Variants in CTTNBP2 observed in about 807,000 individuals in gnomAD.
The protein encoded by CTTNBP2 is cortactin binding protein 2.
Under a neutral mutation model 156.9 loss-of-function variants are expected in CTTNBP2, and 108 were observed. The observed-to-expected ratio is 0.69, with a 90% confidence interval of 0.59 to 0.81. The LOEUF (loss-of-function observed/expected upper bound fraction) is 0.81. Among genes scored for constraint, CTTNBP2 ranks in the 30% least tolerant of loss-of-function variants. The pLI is 0.00. For missense variants in CTTNBP2, 1,924 were observed against 2,035.4 expected (o/e 0.95, Z 1.05); for synonymous variants, 767 against 751.8 (o/e 1.02, Z -0.33).
At position 117,792,019 on chromosome 7, in the gene CTTNBP2, C is replaced by T; in HGVS notation, c.1177G>A (p.Asp393Asn). 1 of 1,614,038 alleles carries T rather than the reference C, an allele frequency of 6.2e-7. No individual in the cohort carries two copies. The highest frequency in any genetic ancestry group is 8.5e-7 in the Non-Finnish European group (1 of 1,180,012). Residue 393 changes from aspartate (D) to asparagine (N), a missense_variant, in exon 4 of 23, where the codon GAT becomes AAT. Physicochemically the swap from Asp to Asn is conservative, Grantham distance 23. Coordinates refer to ENST00000160373, the MANE Select transcript of CTTNBP2 (RefSeq NM_033427.3). The surrounding 1 kb of genome is among the most constrained non-coding windows in gnomAD (Gnocchi z 4.2). ...AGTGGGGGTGTGCTACTGGTTGGATCTGGTGTTGAGCCAGTGCTTGGTCCA... is the reference window on the plus strand; with the variant it reads ...AGTGGGGGTGTGCTACTGGTTGGATTTGGTGTTGAGCCAGTGCTTGGTCCA... ...ENGPSTGSTP[D>N]PTSSTPPLPS...
At chr7:117,745,134 A>G (rs1234294534) in intron 14 of CTTNBP2, among the ~76,000 whole-genome samples, 1 of 152,224 alleles carries the variant, frequency 6.6e-6, no homozygotes, top group Non-Finnish European at 1.5e-5. Flanking sequence ...AACGTGGGGT[A>G]TTAGACCCTG....
In CTTNBP2 at chr7:117,719,530, T is replaced by C. The variant is rs148511220; in HGVS notation, c.4618A>G (p.Ser1540Gly). The C allele has an allele frequency of 6.2e-7, 1 of 1,613,970 alleles. No individual in the cohort carries two copies. The highest frequency in any genetic ancestry group is 1.3e-5 in the African/African-American group (1 of 74,944). ...TTGCTGATATCAGACTCAGACTTGCTGGAGCACATGCTCTGAAGTTCCTTG... is the reference window on the plus strand; with the variant it reads ...TTGCTGATATCAGACTCAGACTTGCCGGAGCACATGCTCTGAAGTTCCTTG... ...LVKELQSMCS[S>G]KSESDISKIA... Residue 1540 changes from serine to glycine, a missense_variant, in exon 21 of 23, where the codon AGC (serine) becomes GGC (glycine). Coordinates refer to ENST00000160373, the MANE Select transcript of CTTNBP2 (RefSeq NM_033427.3).
At chr7:117,787,070 G>A (rs940877643) in intron 4 of CTTNBP2, among the ~76,000 whole-genome samples, 1 of 152,064 alleles carries the variant, frequency 6.6e-6, no homozygotes, top group Admixed American at 6.6e-5. Context: ...TTCCAATGTT[G>A]TCTAGCATAG....
intron 3 of CTTNBP2, among the ~76,000 whole-genome samples, chr7:117,806,428 C>G (rs35018893): frequency 6.6e-6 from 1 of 152,180 alleles, no homozygotes; most frequent in Non-Finnish European, 1.5e-5. Context: ...AATACTCTTA[C>G]GACATTTAAC....
chr7:117,853,343 C>A (rs1302936462), intron 2 of CTTNBP2, among the ~76,000 whole-genome samples: 1 of 152,140 alleles, frequency 6.6e-6, no homozygotes, highest in East Asian at 1.9e-4. Flanking sequence ...AACAGAATTA[C>A]TTATGCAAAG....
chr7:117,868,082 GA>G (rs1246120146), intron 1 of CTTNBP2, among the ~76,000 whole-genome samples: 1 of 152,090 alleles, frequency 6.6e-6, no homozygotes, highest in Non-Finnish European at 1.5e-5. Flanking sequence ...GGAAAAAAAG[GA>G]CTACATCTCA....
chr7:117,752,495 G>A (rs1796664508), intron 12 of CTTNBP2, among the ~76,000 whole-genome samples: 1 of 152,050 alleles, frequency 6.6e-6, no homozygotes, highest in African/African-American at 2.4e-5. Context: ...AATCAAGGGT[G>A]GAGATTTAAA....
chr7:117,848,669 G>A (rs180863216), intron 2 of CTTNBP2, among the ~76,000 whole-genome samples: 1 of 152,174 alleles, frequency 6.6e-6, no homozygotes. Flanking sequence ...AGGAAACTTA[G>A]GACTCTAATC....
chr7:117,799,169 T>G (rs536179385), intron 3 of CTTNBP2, among the ~76,000 whole-genome samples: 1 of 152,000 alleles, frequency 6.6e-6, no homozygotes, highest in East Asian at 1.9e-4. Context: ...CAACTCACTT[T>G]GTGAACAAAA....
chr7:117,852,941 A>G (rs993858024), intron 2 of CTTNBP2, among the ~76,000 whole-genome samples: 1 of 152,194 alleles, frequency 6.6e-6, no homozygotes, highest in African/African-American at 2.4e-5. Flanking sequence ...AGTCAGACAG[A>G]AAATGGCATA....
intron 1 of CTTNBP2, among the ~76,000 whole-genome samples, chr7:117,868,425 A>G (rs1328013138): frequency 6.6e-6 from 1 of 152,214 alleles, no homozygotes; most frequent in East Asian, 1.9e-4. Context: ...CTCTACATTT[A>G]CTATAACCTT....
At chr7:117,837,967 A>G (rs1042568900) in intron 2 of CTTNBP2, among the ~76,000 whole-genome samples, 1 of 152,116 alleles carries the variant, frequency 6.6e-6, no homozygotes, top group African/African-American at 2.4e-5. Flanking sequence ...TATCCCTTAC[A>G]CTAGCCTAGC....
At chr7:117,795,741 T>C (rs1224955857) in intron 3 of CTTNBP2, among the ~76,000 whole-genome samples, 1 of 152,226 alleles carries the variant, frequency 6.6e-6, no homozygotes, top group Non-Finnish European at 1.5e-5. Flanking sequence ...TATAAAAGCA[T>C]CTGTAATTCT....
intron 14 of CTTNBP2, 152 bp downstream of exon 14, chr7:117,745,679 A>G (rs1156942619): frequency 1.6e-6 from 1 of 611,116 alleles, no homozygotes; most frequent in African/African-American, 1.9e-5. Context: ...ATACACATGA[A>G]GATAATTTTT....
intron 4 of CTTNBP2, among the ~76,000 whole-genome samples, chr7:117,788,008 C>T (rs1430611469): frequency 2.6e-5 from 4 of 152,030 alleles, no homozygotes; most frequent in African/African-American, 7.3e-5. Context: ...ATGGTCTCAC[C>T]GTGTCACCCA....
chr7:117,734,170 G>A (rs1444671002), intron 16 of CTTNBP2, among the ~76,000 whole-genome samples: 1 of 152,176 alleles, frequency 6.6e-6, no homozygotes, highest in African/African-American at 2.4e-5. Flanking sequence ...CTGGTTATGT[G>A]AGGGGGAAAA....
chr7:117,714,996 T>A (rs2116325253), intron 22 of CTTNBP2, among the ~76,000 whole-genome samples: 1 of 152,340 alleles, frequency 6.6e-6, no homozygotes. Flanking sequence ...ACTCAAAAAC[T>A]AATTTGTGTA....
intron 3 of CTTNBP2, among the ~76,000 whole-genome samples, chr7:117,795,883 G>A (rs1799286039): frequency 6.6e-6 from 1 of 152,126 alleles, no homozygotes; most frequent in East Asian, 1.9e-4. Flanking sequence ...TAAACACATG[G>A]CTCTAAACTC....
chr7:117,810,620 A>T, intron 3 of CTTNBP2, 145 bp downstream of exon 3: 1 of 692,338 alleles, frequency 1.4e-6, no homozygotes, highest in Non-Finnish European at 2.5e-6. Flanking sequence ...ACATTGGCTT[A>T]AAGAATCTGT....
Sources: allele counts gnomAD v4.1 joint callset (sites outside exome capture counted in the v4.1 genomes callset), GRCh38; gene constraint gnomAD v4.1.1; non-coding constraint Gnocchi (gnomAD v3.1); transcripts MANE v1.5; gene names NCBI Gene and HGNC (gene_info 2026-07-23, HGNC 2026-07-21).